SLC39A11: variants seen among roughly 807,000 people sequenced by gnomAD.
SLC39A11 encodes solute carrier family 39 member 11.
A neutral mutation model predicts 36.1 loss-of-function variants in SLC39A11; 33 were observed. The observed-to-expected ratio is 0.91, with a 90% CI of 0.69 to 1.22. SLC39A11 has a LOEUF of 1.22. Ranked by LOEUF, SLC39A11 falls within the 50% of genes most tolerant of loss-of-function variation. The pLI, the probability that SLC39A11 is intolerant of heterozygous loss-of-function variation, is 0.00. For synonymous variants in SLC39A11, 166 were observed against 170.3 expected (o/e 0.97, Z 0.20); for missense variants, 432 against 430.3 (o/e 1.00, Z -0.03).
intron 7 of SLC39A11, among the ~76,000 whole-genome samples, chr17:72,732,040 C>CTTTTTTTTTTTTTTTTTTTTTTTTTTTT (rs764728558): frequency 1.5e-4 from 5 of 33,656 alleles, no homozygotes; most frequent in African/African-American, 2.4e-4. Flanking sequence ...CTTTTCTTTT[C>CTTTTTTTTTTTTTTTTTTTTTTTTTTTT]TTTTTTTTTT....
At chr17:72,750,133 C>T (rs2075098042) in intron 6 of SLC39A11, among the ~76,000 whole-genome samples, 1 of 152,132 alleles carries the variant, frequency 6.6e-6, no homozygotes, top group African/African-American at 2.4e-5. Context: ...ATTCTGTGCC[C>T]CTTGGGAGCC....
At chr17:72,741,353 C>T (rs1046234232) in intron 6 of SLC39A11, among the ~76,000 whole-genome samples, 2 of 152,204 alleles carry the variant, frequency 1.3e-5, no homozygotes, top group African/African-American at 2.4e-5. Flanking sequence ...TGCATCTTTA[C>T]GTTTGCTTAC....
chr17:72,852,204 C>CAAAAAAAAAAAAAAAAAAAAAAAA, intron 5 of SLC39A11, among the ~76,000 whole-genome samples: 23 of 39,908 alleles, frequency 5.8e-4, no homozygotes, highest in Middle Eastern at 0.016. Context: ...GACTCCGTCT[C>CAAAAAAAAAAAAAAAAAAAAAAAA]AAAAAAAAAA....
At chr17:72,776,610 G>GAAAAAAAA (rs34044701) in intron 6 of SLC39A11, among the ~76,000 whole-genome samples, 1 of 119,856 alleles carries the variant, frequency 8.3e-6, no homozygotes, top group African/African-American at 3.2e-5. Flanking sequence ...ACTTTGCATG[G>GAAAAAAAA]AAAAAAAAAA....
intron 6 of SLC39A11, among the ~76,000 whole-genome samples, chr17:72,805,730 A>ATT (rs796432423): frequency 6.7e-6 from 1 of 149,182 alleles, no homozygotes; most frequent in Admixed American, 6.7e-5. Flanking sequence ...CTCAGAGTTA[A>ATT]TTTTTTTTTC....
chr17:73,043,930 C>T (rs2059188549), intron 3 of SLC39A11, among the ~76,000 whole-genome samples: 1 of 152,122 alleles, frequency 6.6e-6, no homozygotes, highest in Admixed American at 6.6e-5. Context: ...TTGCTTTTAT[C>T]AAGAAGCCTT....
At chr17:72,758,484 C>T in intron 6 of SLC39A11, among the ~76,000 whole-genome samples, 1 of 152,186 alleles carries the variant, frequency 6.6e-6, no homozygotes, top group East Asian at 1.9e-4. Context: ...TTTCTTGTGG[C>T]AGGAGGTAGC....
chr17:73,004,431 C>T (rs1477823515), intron 4 of SLC39A11, among the ~76,000 whole-genome samples: 1 of 152,162 alleles, frequency 6.6e-6, no homozygotes, highest in Non-Finnish European at 1.5e-5. Context: ...ACAGCGAGCT[C>T]TCTGGTGTCT....
intron 3 of SLC39A11, among the ~76,000 whole-genome samples, chr17:73,040,563 T>A (rs2059071537): frequency 6.6e-6 from 1 of 152,220 alleles, no homozygotes; most frequent in African/African-American, 2.4e-5. Context: ...GTGTCATGAT[T>A]ATTTATGTAA....
At chr17:72,815,115 G>A (rs2077542184) in intron 6 of SLC39A11, among the ~76,000 whole-genome samples, 3 of 152,206 alleles carry the variant, frequency 2.0e-5, no homozygotes, top group Admixed American at 1.3e-4. Flanking sequence ...TACTCAAGGA[G>A]ATGCTGAAGT....
chr17:72,836,773 T>C (rs2078567580), intron 6 of SLC39A11, among the ~76,000 whole-genome samples: 1 of 152,146 alleles, frequency 6.6e-6, no homozygotes, highest in Admixed American at 6.5e-5. Flanking sequence ...AGTGGCAGCC[T>C]TTAGCATTAT....
intron 6 of SLC39A11, among the ~76,000 whole-genome samples, chr17:72,808,136 A>T (rs1190543353): frequency 6.6e-6 from 1 of 152,186 alleles, no homozygotes; most frequent in African/African-American, 2.4e-5. Flanking sequence ...CACTGGTCAT[A>T]TTTAATTGCA....
intron 3 of SLC39A11, among the ~76,000 whole-genome samples, chr17:73,079,192 G>A (rs9914459): frequency 0.3 from 45,611 of 151,928 alleles, 7,193 homozygotes; most frequent in South Asian, 0.42. Flanking sequence ...CTGCCTCCCC[G>A]GTTCAAGCAA....
intron 4 of SLC39A11, among the ~76,000 whole-genome samples, chr17:72,989,208 A>G (rs759352941): frequency 8.5e-5 from 13 of 152,224 alleles, no homozygotes; most frequent in Non-Finnish European, 1.5e-4. Flanking sequence ...TAAAACAACA[A>G]CAACAAAGAA....
intron 6 of SLC39A11, among the ~76,000 whole-genome samples, chr17:72,757,551 G>A (rs1012053158): frequency 2.0e-5 from 3 of 146,874 alleles, no homozygotes; most frequent in Admixed American, 2.0e-4. Flanking sequence ...TGTCTCCCAG[G>A]GCAATGAAAC....
chr17:72,710,967 C>T (rs2073084655), intron 7 of SLC39A11, among the ~76,000 whole-genome samples: 1 of 152,244 alleles, frequency 6.6e-6, no homozygotes, highest in Admixed American at 6.5e-5. Flanking sequence ...ATTCCAATCA[C>T]ATCCTCCCTC....
At chr17:72,805,446 A>G (rs2077219173) in intron 6 of SLC39A11, among the ~76,000 whole-genome samples, 10 of 152,222 alleles carry the variant, frequency 6.6e-5, no homozygotes, top group Admixed American at 5.2e-4. Flanking sequence ...CACTTGTTCA[A>G]TCAGCAGACT....
chr17:73,066,217 G>A (rs2059992128), intron 3 of SLC39A11, among the ~76,000 whole-genome samples: 1 of 152,116 alleles, frequency 6.6e-6, no homozygotes, highest in Non-Finnish European at 1.5e-5. Flanking sequence ...ACATGGAGAG[G>A]CCCAGGCAAA....
intron 3 of SLC39A11, among the ~76,000 whole-genome samples, chr17:73,053,123 C>CT (rs1222883151): frequency 1.3e-5 from 2 of 152,154 alleles, no homozygotes; most frequent in Non-Finnish European, 2.9e-5. Context: ...GAGACGGAGG[C>CT]TACAGTGAGC....
Sources: gnomAD v4.1 joint callset for allele counts (sites outside exome capture counted in the v4.1 genomes callset) on GRCh38, gnomAD v4.1.1 for gene constraint, MANE v1.5 for transcripts, NCBI Gene and HGNC (gene_info 2026-07-23, HGNC 2026-07-21) for gene names.